Variants in ALCAM observed in about 807,000 individuals in gnomAD.
The protein encoded by ALCAM is CD166 antigen.
A neutral mutation model predicts 70.9 loss-of-function variants in ALCAM; 30 were observed. That is an observed-to-expected ratio of 0.42 (90% CI 0.32 to 0.57). The LOEUF (loss-of-function observed/expected upper bound fraction) is 0.57, where lower values mean the gene tolerates loss of function less well. ALCAM is among the 20% of genes least tolerant of loss of function. ALCAM has a pLI of 0.11. For missense variants in ALCAM, 591 were observed against 695.1 expected, an observed-to-expected ratio of 0.85 and a Z score of 1.68; for synonymous variants, 249 against 242.5, an observed-to-expected ratio of 1.03 and a Z score of -0.25.
intron 1 of ALCAM, among the ~76,000 whole-genome samples, chr3:105,484,482 A>G (rs924949284): frequency 1.3e-5 from 2 of 152,070 alleles, no homozygotes; most frequent in Non-Finnish European, 2.9e-5. Flanking sequence ...CAGTGAATCA[A>G]ATTATTACTA....
chr3:105,403,167 G>A (rs1238874361), intron 1 of ALCAM, among the ~76,000 whole-genome samples: 4 of 151,922 alleles, frequency 2.6e-5, no homozygotes, highest in Non-Finnish European at 2.9e-5. Context: ...GGCTGGTCTC[G>A]AATTCCTGAC....
intron 1 of ALCAM, among the ~76,000 whole-genome samples, chr3:105,433,100 A>G (rs919757064): frequency 6.6e-6 from 1 of 152,134 alleles, no homozygotes; most frequent in African/African-American, 2.4e-5. Context: ...TTCAGAGACA[A>G]TGAAAACTCT....
intron 1 of ALCAM, among the ~76,000 whole-genome samples, chr3:105,470,315 C>A: frequency 6.7e-6 from 1 of 149,534 alleles, no homozygotes; most frequent in African/African-American, 2.5e-5. Flanking sequence ...GTATGAAGGC[C>A]AAGATGAGAA....
intron 1 of ALCAM, among the ~76,000 whole-genome samples, chr3:105,515,948 G>A (rs925445128): frequency 6.6e-6 from 1 of 151,918 alleles, no homozygotes; most frequent in Admixed American, 6.6e-5. Flanking sequence ...TTGTGAAACC[G>A]GCATTTAGTT....
rs1940943158 is a variant in ALCAM at position 105,575,469 on chromosome 3, T to TC, written c.*1019dup. ...ACAGAATATAGAATATATATTTTTT[T>TC]CGTGTGTGTTTTTGTTAACTACCCT... On this transcript the variant is annotated 3_prime_UTR_variant, in exon 16 of 16. Transcript: ENST00000306107. 6.6e-6 allele frequency: 1 copy of TC among 152,614 alleles called. No homozygotes were observed. The highest frequency in any genetic ancestry group is 2.1e-4 in the South Asian group (1 of 4,836). 9.5% of individuals were successfully genotyped at this position (152,614 alleles called of 1,614,324 possible). A position where few individuals can be genotyped will look rare whatever the true frequency, so the allele number is the denominator to read the frequency against.
At chr3:105,568,150 C>T (rs1373473546) in intron 14 of ALCAM, among the ~76,000 whole-genome samples, 1 of 149,734 alleles carries the variant, frequency 6.7e-6, no homozygotes, top group Non-Finnish European at 1.5e-5. Flanking sequence ...GCAACCTCTG[C>T]CTCCTGGGTT....
intron 1 of ALCAM, among the ~76,000 whole-genome samples, chr3:105,368,586 T>C (rs996359970): frequency 2.0e-5 from 3 of 152,130 alleles, no homozygotes; most frequent in African/African-American, 4.8e-5. Flanking sequence ...AAGAAAAATC[T>C]CACTTCCTTT....
At chr3:105,574,101 C>G (rs1940913915) in intron 15 of ALCAM, among the ~76,000 whole-genome samples, 1 of 151,956 alleles carries the variant, frequency 6.6e-6, no homozygotes, top group South Asian at 2.1e-4. Context: ...TAGATTTTAA[C>G]TACTGTTTTC....
chr3:105,397,836 T>A (rs1257053545), intron 1 of ALCAM, among the ~76,000 whole-genome samples: 1 of 152,138 alleles, frequency 6.6e-6, no homozygotes, highest in Non-Finnish European at 1.5e-5. Context: ...ACTAAAAATA[T>A]GTAAAATAAT....
chr3:105,522,977 A>G (rs1939584543), intron 2 of ALCAM, among the ~76,000 whole-genome samples: 1 of 152,038 alleles, frequency 6.6e-6, no homozygotes, highest in African/African-American at 2.4e-5. Flanking sequence ...GTCTCTACTA[A>G]AAATACAAAA....
chr3:105,543,597 G>A (rs1201094351), intron 8 of ALCAM, among the ~76,000 whole-genome samples: 2 of 151,656 alleles, frequency 1.3e-5, no homozygotes, highest in African/African-American at 4.8e-5. Context: ...CATGTTTGCA[G>A]AATAGACTGC....
At chr3:105,533,533 G>C (rs2171146) in intron 4 of ALCAM, 70 bp from the exon 5 acceptor site, 717,667 of 1,384,446 alleles carry the variant, frequency 0.52, 188,651 homozygotes, top group East Asian at 0.75. Flanking sequence ...CATTGCCTGA[G>C]TTTCTGGAGT....
chr3:105,529,510 A>C (rs1317559258), intron 3 of ALCAM, among the ~76,000 whole-genome samples: 1 of 152,308 alleles, frequency 6.6e-6, no homozygotes, highest in South Asian at 2.1e-4. Context: ...TTCAAGATAC[A>C]TAGTTAATAT....
At chr3:105,496,330 GAAAGGACT>G (rs141086161) in intron 1 of ALCAM, among the ~76,000 whole-genome samples, 1 of 151,740 alleles carries the variant, frequency 6.6e-6, no homozygotes, top group African/African-American at 2.4e-5. Context: ...AAGCCATTCA[GAAAGGACT>G]AACAGTCATT....
chr3:105,552,986 T>C, intron 14 of ALCAM: 1 of 1,015,716 alleles, frequency 9.8e-7, no homozygotes, highest in Non-Finnish European at 1.2e-6. Context: ...GTGACACATC[T>C]GGCCAGCAAT....
At chr3:105,540,131 A>G (rs372752372) in intron 7 of ALCAM, 29 bp downstream of exon 7, 6 of 1,597,002 alleles carry the variant, frequency 3.8e-6, no homozygotes, top group Admixed American at 1.7e-5. Flanking sequence ...CTTCAGTTGG[A>G]TGACTATCAT....
At chr3:105,433,794 T>C (rs188812422) in intron 1 of ALCAM, among the ~76,000 whole-genome samples, 1 of 148,352 alleles carries the variant, frequency 6.7e-6, no homozygotes, top group Non-Finnish European at 1.5e-5. Context: ...GACAAGCTGA[T>C]ATACTGAACA....
chr3:105,401,193 G>A (rs937505351), intron 1 of ALCAM, among the ~76,000 whole-genome samples: 13 of 152,186 alleles, frequency 8.5e-5, no homozygotes, highest in African/African-American at 2.9e-4. Context: ...CCACACCTTA[G>A]TAGCTGATGA....
At chr3:105,407,652 A>C (rs977422662) in intron 1 of ALCAM, among the ~76,000 whole-genome samples, 6 of 152,190 alleles carry the variant, frequency 3.9e-5, no homozygotes, top group Non-Finnish European at 8.8e-5. Context: ...CCCCCAGATA[A>C]CTGGAACAAG....
Sources: allele counts gnomAD v4.1 joint callset (sites outside exome capture counted in the v4.1 genomes callset), GRCh38; gene constraint gnomAD v4.1.1; transcripts MANE v1.5; gene names NCBI Gene and HGNC (gene_info 2026-07-23, HGNC 2026-07-21).